Variants in C11orf65 observed in about 807,000 individuals in gnomAD.
The protein encoded by C11orf65 is protein MFI.
In C11orf65, 38 loss-of-function variants were observed where a neutral mutation model predicts 35.3. The observed-to-expected ratio is 1.08, with a 90% CI of 0.83 to 1.41. The LOEUF (loss-of-function observed/expected upper bound fraction) is 1.41, where lower values mean the gene tolerates loss of function less well. Among genes scored for constraint, C11orf65 ranks in the 40% most tolerant of loss-of-function variants. C11orf65 has a pLI of 0.00. For synonymous variants in C11orf65, 105 were observed against 114.4 expected, an observed-to-expected ratio of 0.92 and a Z score of 0.53; for missense variants, 370 against 367.1, an observed-to-expected ratio of 1.01 and a Z score of -0.06.
At chr11:108,469,112 T>C (rs561424450), upstream of C11orf65, among the ~76,000 whole-genome samples, 3 of 151,780 alleles carry the variant, frequency 2.0e-5, no homozygotes, top group African/African-American at 7.3e-5. Flanking sequence ...CTCAGGAAGC[T>C]GAGGCAGGAG....
chr11:108,388,655 T>C (rs2092074864), intron 7 of C11orf65, among the ~76,000 whole-genome samples: 1 of 152,226 alleles, frequency 6.6e-6, no homozygotes. Flanking sequence ...TAGCTGGTGA[T>C]TGCTTAATAG....
intron 1 of C11orf65, among the ~76,000 whole-genome samples, chr11:108,461,957 C>T (rs1242410140): frequency 1.3e-5 from 2 of 151,984 alleles, no homozygotes; most frequent in Non-Finnish European, 2.9e-5. Flanking sequence ...AAAACTACCA[C>T]TAGAACTCAA....
chr11:108,326,354 A>G, intron 6 of C11orf65: 1 of 1,251,872 alleles, frequency 8.0e-7, no homozygotes, highest in East Asian at 2.6e-5. Flanking sequence ...AAGATATTGT[A>G]AAACTAGTCT....
intron 2 of C11orf65, among the ~76,000 whole-genome samples, chr11:108,454,582 G>A (rs1174916807): frequency 2.0e-5 from 3 of 152,176 alleles, no homozygotes; most frequent in Non-Finnish European, 4.4e-5. Flanking sequence ...ACAGGCGTGA[G>A]CCACTGCACC....
At chr11:108,343,713 G>A (rs1428179613) in intron 2 of C11orf65, among the ~76,000 whole-genome samples, 1 of 152,166 alleles carries the variant, frequency 6.6e-6, no homozygotes, top group Non-Finnish European at 1.5e-5. Flanking sequence ...TTGAGAGGCT[G>A]AGTCTGGGGG....
At chr11:108,450,324 C>T (rs571697162) in intron 2 of C11orf65, among the ~76,000 whole-genome samples, 9 of 151,844 alleles carry the variant, frequency 5.9e-5, no homozygotes, top group South Asian at 4.2e-4. Flanking sequence ...CACATGCACA[C>T]GTATGTTTAT....
At chr11:108,331,092 A>G (rs535122948), downstream of C11orf65, 94 of 920,030 alleles carry the variant, frequency 1.0e-4, no homozygotes, top group East Asian at 4.5e-4. Context: ...GGGAAAAGCA[A>G]TTACTTCATT....
chr11:108,389,773 A>G (rs1164246035), intron 7 of C11orf65, among the ~76,000 whole-genome samples: 1 of 148,202 alleles, frequency 6.7e-6, no homozygotes, highest in Non-Finnish European at 1.5e-5. Context: ...TCTGCCTCCC[A>G]ATGGCATGAA....
intron 7 of C11orf65, among the ~76,000 whole-genome samples, chr11:108,387,148 CTTTTTTTTT>C (rs1175890979): frequency 2.4e-5 from 2 of 84,412 alleles, no homozygotes; most frequent in Non-Finnish European, 4.3e-5. Context: ...TTCTTTCTTT[CTTTTTTTTT>C]TTTTTTTTTT....
intron 2 of C11orf65, among the ~76,000 whole-genome samples, chr11:108,356,317 C>A (rs1270139068): frequency 6.6e-6 from 1 of 152,082 alleles, no homozygotes; most frequent in Non-Finnish European, 1.5e-5. Context: ...AGGTGGATCA[C>A]CTGAGGTCAG....
intron 2 of C11orf65, among the ~76,000 whole-genome samples, chr11:108,442,505 T>C (rs1053708690): frequency 2.6e-5 from 4 of 151,946 alleles, no homozygotes; most frequent in African/African-American, 9.7e-5. Flanking sequence ...AGAAGAGCAA[T>C]CCCAAGACAC....
chr11:108,427,991 C>T (rs1382219704), intron 3 of C11orf65, among the ~76,000 whole-genome samples: 4 of 95,290 alleles, frequency 4.2e-5, no homozygotes, highest in East Asian at 3.3e-4. Context: ...CCACTACGAC[C>T]GGCTAATTTT....
intron 2 of C11orf65, among the ~76,000 whole-genome samples, chr11:108,356,857 G>C (rs1461128855): frequency 6.6e-6 from 1 of 152,186 alleles, no homozygotes; most frequent in Non-Finnish European, 1.5e-5. Flanking sequence ...GATTTCCTTT[G>C]AGTGAGGGTT....
At chr11:108,372,979 C>G (rs1411413899) in intron 2 of C11orf65, among the ~76,000 whole-genome samples, 1 of 152,022 alleles carries the variant, frequency 6.6e-6, no homozygotes, top group Admixed American at 6.5e-5. Context: ...ACTCAGGTGG[C>G]TGAGGCACAA....
At chr11:108,330,228 T>C (rs765548443), downstream of C11orf65, 4 of 1,614,014 alleles carry the variant, frequency 2.5e-6, no homozygotes, top group South Asian at 1.1e-5. Context: ...ACAGTAAAGG[T>C]TCAGCGAGAG....
intron 2 of C11orf65, among the ~76,000 whole-genome samples, chr11:108,374,730 A>C (rs1370535475): frequency 6.6e-6 from 1 of 152,196 alleles, no homozygotes; most frequent in East Asian, 1.9e-4. Flanking sequence ...AAGAAGTTGA[A>C]AACTTTGAAA....
At position 108,357,459 on chromosome 11, in the gene C11orf65, T is replaced by G. The variant is rs569456401; in HGVS notation, c.227-22167A>C. On this transcript the variant is annotated intron_variant, in intron 2 of 3. Coordinates refer to the C11orf65 transcript ENST00000524755. ...GAACCCACCACAGCTCAAGGAGACC[T>G]GCCTGCCTCTGTAGGCTCCACCTCT... is the stretch of plus-strand genomic sequence containing the variant. Among the ~76,000 whole-genome samples, 3 of 152,356 alleles carry G rather than the reference T, an allele frequency of 2.0e-5. No individual in the cohort carries two copies. The South Asian group carries it at 6.2e-4, about 32-fold the overall frequency.
At chr11:108,370,087 T>G (rs530081859) in intron 2 of C11orf65, among the ~76,000 whole-genome samples, 1 of 152,296 alleles carries the variant, frequency 6.6e-6, no homozygotes, top group Admixed American at 6.5e-5. Flanking sequence ...ATCTTTCAGG[T>G]AGGGATTTTC....
At chr11:108,424,576 C>A (rs934029889) in intron 3 of C11orf65, among the ~76,000 whole-genome samples, 1 of 152,158 alleles carries the variant, frequency 6.6e-6, no homozygotes, top group South Asian at 2.1e-4. Context: ...GACTTTAACA[C>A]CCCCCTGTCA....
Sources: gnomAD v4.1 joint callset for allele counts (sites outside exome capture counted in the v4.1 genomes callset) on GRCh38, gnomAD v4.1.1 for gene constraint, MANE v1.5 for transcripts, NCBI Gene and HGNC (gene_info 2026-07-23, HGNC 2026-07-21) for gene names.